The following PDE4D variants were observed in gnomAD, a reference collection of about 807,000 sequenced individuals.
PDE4D encodes the protein 3',5'-cyclic-AMP phosphodiesterase 4D.
PDE4D carries 24 observed loss-of-function variants against 87.4 expected under a neutral mutation model. The observed-to-expected ratio is 0.27, with a 90% CI of 0.20 to 0.39. The LOEUF is 0.39. Ranked by LOEUF, PDE4D falls within the 10% of genes least tolerant of loss-of-function variation. The pLI is 1.00. For missense variants in PDE4D, 714 were observed against 1,041.0 expected (o/e 0.69, Z 4.32); for synonymous variants, 384 against 383.2 (o/e 1.00, Z -0.02).
chr5:59,086,465 C>T (rs1225356792), intron 5 of PDE4D, among the ~76,000 whole-genome samples: 1 of 152,166 alleles, frequency 6.6e-6, no homozygotes, highest in Non-Finnish European at 1.5e-5. Flanking sequence ...TTCTCAGCCA[C>T]TACTTCTCAA....
chr5:60,462,991 A>G (rs1439441932), intron 1 of PDE4D, among the ~76,000 whole-genome samples: 1 of 152,218 alleles, frequency 6.6e-6, no homozygotes, highest in African/African-American at 2.4e-5. Context: ...TTGACATTCC[A>G]AATAAAAGGA....
intron 1 of PDE4D, among the ~76,000 whole-genome samples, chr5:59,885,939 G>T (rs1265452859): frequency 6.6e-6 from 1 of 152,034 alleles, no homozygotes; most frequent in Non-Finnish European, 1.5e-5. Flanking sequence ...ATGAATATGT[G>T]TCTATTTTTC....
intron 1 of PDE4D, among the ~76,000 whole-genome samples, chr5:59,308,613 C>G (rs749560255): frequency 1.3e-5 from 2 of 151,640 alleles, no homozygotes; most frequent in African/African-American, 2.4e-5. Context: ...GTTAATCTCA[C>G]AGATTTTCCT....
At chr5:59,126,598 C>T (rs906344017) in intron 5 of PDE4D, among the ~76,000 whole-genome samples, 2 of 152,178 alleles carry the variant, frequency 1.3e-5, no homozygotes, top group Non-Finnish European at 2.9e-5. Context: ...GCATATCTCT[C>T]GAGGGCTGCT....
At chr5:59,958,516 CA>C (rs1182685042) in intron 3 of PDE4D, among the ~76,000 whole-genome samples, 2 of 152,078 alleles carry the variant, frequency 1.3e-5, no homozygotes, top group East Asian at 3.9e-4. Context: ...TCAAAATGTA[CA>C]AACACCATAA....
chr5:59,455,462 C>T (rs557580927), intron 1 of PDE4D, among the ~76,000 whole-genome samples: 38 of 152,350 alleles, frequency 2.5e-4, no homozygotes, highest in Admixed American at 5.2e-4. Context: ...GGAACCTCTG[C>T]CTAGATTTCA....
chr5:59,377,472 G>A (rs1289940407), intron 1 of PDE4D, among the ~76,000 whole-genome samples: 1 of 150,182 alleles, frequency 6.7e-6, no homozygotes, highest in Non-Finnish European at 1.5e-5. Context: ...TTGCAACAAA[G>A]GCAAAAATTG....
At chr5:59,653,900 AG>A (rs1743934805) in intron 1 of PDE4D, among the ~76,000 whole-genome samples, 1 of 54,260 alleles carries the variant, frequency 1.8e-5, no homozygotes, top group African/African-American at 7.4e-5. Flanking sequence ...GAAGGGTGGG[AG>A]GGGAGGGGAA....
intron 1 of PDE4D, among the ~76,000 whole-genome samples, chr5:59,280,346 A>C (rs948176385): frequency 2.0e-5 from 3 of 152,172 alleles, no homozygotes; most frequent in African/African-American, 7.2e-5. Flanking sequence ...TAAAAGGTAC[A>C]GAATACTAGT....
At chr5:59,852,785 T>C (rs1359059747) in intron 1 of PDE4D, among the ~76,000 whole-genome samples, 1 of 151,750 alleles carries the variant, frequency 6.6e-6, no homozygotes, top group Non-Finnish European at 1.5e-5. Flanking sequence ...CTCCAGGTTA[T>C]AGTGGACAAT....
At position 59,854,823 on chromosome 5, in the gene PDE4D, C is replaced by G. The variant is rs532411740; in HGVS notation, c.455+38345G>C. On this transcript the variant is annotated intron_variant, in intron 1 of 14. Transcript: ENST00000340635. ...TTTATTCACCCTCTCTCCCACTCAG[C>G]CTCTCTCAAGTTGTCTTGCTTGAAG... Among the ~76,000 whole-genome samples the G allele has an allele frequency of 7.0e-4, 107 of 152,208 alleles. 1 individual carries two copies. Among genetic ancestry groups the G allele is most frequent in the Middle Eastern group, 6.8e-3 (2 of 294 alleles).
chr5:59,434,346 A>G (rs1796508912), intron 1 of PDE4D, among the ~76,000 whole-genome samples: 1 of 150,238 alleles, frequency 6.7e-6, no homozygotes, highest in African/African-American at 2.5e-5. Flanking sequence ...TCTGTTAATG[A>G]CCACATCAGA....
intron 2 of PDE4D, among the ~76,000 whole-genome samples, chr5:60,136,240 AT>A (rs1780034068): frequency 6.6e-6 from 1 of 151,540 alleles, no homozygotes; most frequent in Non-Finnish European, 1.5e-5. Flanking sequence ...GCTTTTTAAA[AT>A]TTTTTTCTTA....
At chr5:60,269,640 A>T (rs2149720420) in intron 1 of PDE4D, among the ~76,000 whole-genome samples, 1 of 152,348 alleles carries the variant, frequency 6.6e-6, no homozygotes, top group African/African-American at 2.4e-5. Context: ...ATTGTACACC[A>T]TGGTGACTGC....
intron 1 of PDE4D, among the ~76,000 whole-genome samples, chr5:59,247,707 T>C (rs1759128107): frequency 1.3e-5 from 2 of 152,102 alleles, no homozygotes; most frequent in South Asian, 2.1e-4. Flanking sequence ...TCCAGTGTTA[T>C]TAATCACTTG....
At chr5:59,773,043 T>G (rs550031079) in intron 1 of PDE4D, among the ~76,000 whole-genome samples, 1 of 152,314 alleles carries the variant, frequency 6.6e-6, no homozygotes, top group South Asian at 2.1e-4. Flanking sequence ...TATAAGTGTT[T>G]AGGAGAGTGC....
intron 2 of PDE4D, among the ~76,000 whole-genome samples, chr5:60,015,435 C>T (rs754100460): frequency 2.4e-4 from 37 of 152,120 alleles, no homozygotes; most frequent in Admixed American, 4.6e-4. Flanking sequence ...AATGATATCC[C>T]GGGACTCCTG....
chr5:60,324,830 G>A lies in PDE4D; in HGVS notation c.-89-139143C>T, dbSNP rs370916596. Among the ~76,000 whole-genome samples the A allele has an allele frequency of 1.1e-3, 164 of 152,302 alleles. 1 individual carries two copies. Among genetic ancestry groups the A allele is most frequent in the African/African-American group, 3.6e-3 (149 of 41,576 alleles). ...ACTGTGAACCTCATATGGTTTCACC[G>A]TAGGATTTGTGAGATAATCCTATGA... On this transcript the variant is annotated intron_variant, in intron 1 of 16. Transcript: ENST00000502484.
At chr5:59,477,353 T>TAAAAAAAAAAAAA (rs35047246) in intron 1 of PDE4D, among the ~76,000 whole-genome samples, 1 of 88,310 alleles carries the variant, frequency 1.1e-5, no homozygotes, top group African/African-American at 4.4e-5. Context: ...TAGAGTATAA[T>TAAAAAAAAAAAAA]AAAAAAAAAA....
Sources: gnomAD v4.1 joint callset for allele counts (sites outside exome capture counted in the v4.1 genomes callset) on GRCh38, gnomAD v4.1.1 for gene constraint, MANE v1.5 for transcripts, NCBI Gene and HGNC (gene_info 2026-07-23, HGNC 2026-07-21) for gene names.